Variants in ALK observed in about 807,000 individuals in gnomAD.
ALK encodes ALK receptor tyrosine kinase.
In ALK, 74 loss-of-function variants were observed where a neutral mutation model predicts 163.1. The observed-to-expected ratio is 0.45, with a 90% CI of 0.38 to 0.55. The LOEUF is 0.55. ALK is among the 20% of genes least tolerant of loss of function. The probability of loss-of-function intolerance (pLI) is 0.00; values close to 1 mark genes in which losing one functional copy is unlikely to be tolerated. For synonymous variants in ALK, 960 were observed against 843.2 expected (o/e 1.14, Z -2.40); for missense variants, 2,063 against 2,105.3 (o/e 0.98, Z 0.39).
intron 3 of ALK, among the ~76,000 whole-genome samples, chr2:29,604,316 T>A (rs554515539): frequency 4.6e-5 from 7 of 152,338 alleles, no homozygotes; most frequent in African/African-American, 1.7e-4. Context: ...ACGTATGGTC[T>A]ATGGCCCTTT....
chr2:29,837,264 C>T (rs1665586932), intron 1 of ALK, among the ~76,000 whole-genome samples: 1 of 152,062 alleles, frequency 6.6e-6, no homozygotes, highest in Non-Finnish European at 1.5e-5. Flanking sequence ...CAAAAGAAGG[C>T]CAAAACATGG....
chr2:29,686,515 T>G (rs1210851455), intron 3 of ALK, among the ~76,000 whole-genome samples: 9 of 152,206 alleles, frequency 5.9e-5, no homozygotes, highest in African/African-American at 2.2e-4. Flanking sequence ...GGAAATGGCC[T>G]TATTGACCAT....
chr2:29,835,312 G>A (rs1193032388), intron 1 of ALK, among the ~76,000 whole-genome samples: 1 of 152,154 alleles, frequency 6.6e-6, no homozygotes, highest in Non-Finnish European at 1.5e-5. Flanking sequence ...TAACATAAGG[G>A]GGGAAAGGTA....
At chr2:29,848,717 G>C (rs1420689478) in intron 1 of ALK, among the ~76,000 whole-genome samples, 1 of 152,152 alleles carries the variant, frequency 6.6e-6, no homozygotes, top group Non-Finnish European at 1.5e-5. Context: ...GGGTGAGGTG[G>C]GGGCTATGTC....
At chr2:29,762,982 GA>G in intron 1 of ALK, among the ~76,000 whole-genome samples, 1 of 151,810 alleles carries the variant, frequency 6.6e-6, no homozygotes, top group East Asian at 1.9e-4. Context: ...ATCTACTCAG[GA>G]GGCTGAGGCA....
chr2:29,717,089 G>T (rs570665670), intron 2 of ALK, among the ~76,000 whole-genome samples: 31 of 146,280 alleles, frequency 2.1e-4, no homozygotes, highest in African/African-American at 7.7e-4. Flanking sequence ...GGAGAATGGT[G>T]TGAACCCAGG....
intron 1 of ALK, among the ~76,000 whole-genome samples, chr2:29,756,704 T>C (rs752063950): frequency 2.9e-4 from 44 of 152,096 alleles, no homozygotes; most frequent in Non-Finnish European, 6.0e-4. Flanking sequence ...TTATTGTATT[T>C]TTAGTAGAGA....
At chr2:29,416,136 A>G (rs745712298) in intron 4 of ALK, among the ~76,000 whole-genome samples, 2 of 152,210 alleles carry the variant, frequency 1.3e-5, no homozygotes, top group Admixed American at 6.5e-5. Flanking sequence ...TCATATGTCT[A>G]TATATACCCT....
At chr2:29,425,146 C>T (rs1670103142) in intron 4 of ALK, among the ~76,000 whole-genome samples, 1 of 151,952 alleles carries the variant, frequency 6.6e-6, no homozygotes, top group South Asian at 2.1e-4. Flanking sequence ...GAAATTGTCC[C>T]AAGGGAATAT....
In ALK at chr2:29,798,264, T is replaced by C. The variant is rs182624884; in HGVS notation, c.668-80567A>G. 6.9e-3 allele frequency among the ~76,000 whole-genome samples: 1,055 copies of C among 152,340 alleles called. 11 individuals are homozygous for C. Among genetic ancestry groups the C allele is most frequent in the South Asian group, 0.046 (224 of 4,830 alleles). On this transcript the variant is annotated intron_variant, in intron 1 of 28. Transcript: ENST00000389048. ...AGGGAGTCTTTTGGATGCTTTATTA[T>C]TAAATTGGTATCATCACCAGCTCCT...
chr2:29,717,275 C>G (rs554577279), intron 2 of ALK, among the ~76,000 whole-genome samples: 1 of 151,912 alleles, frequency 6.6e-6, no homozygotes, highest in East Asian at 1.9e-4. Context: ...ATAAGCATCT[C>G]CTCTAATGAT....
chr2:29,585,403 C>A, intron 3 of ALK, among the ~76,000 whole-genome samples: 1 of 152,092 alleles, frequency 6.6e-6, no homozygotes, highest in East Asian at 1.9e-4. Context: ...TTCGGCTCAC[C>A]ACAACCTCCA....
At chr2:29,863,779 T>G (rs930556061) in intron 1 of ALK, among the ~76,000 whole-genome samples, 1 of 152,180 alleles carries the variant, frequency 6.6e-6, no homozygotes, top group South Asian at 2.1e-4. Context: ...TACTGGGCAT[T>G]TACTCAAGGG....
intron 3 of ALK, among the ~76,000 whole-genome samples, chr2:29,676,150 G>C: frequency 6.6e-6 from 1 of 152,066 alleles, no homozygotes; most frequent in South Asian, 2.1e-4. Context: ...CTTGTGGCTT[G>C]ATTTTTCATT....
In ALK at chr2:29,209,538, G is replaced by A. The variant is rs113989944; in HGVS notation, c.3836+248C>T. 0.026 allele frequency among the ~76,000 whole-genome samples: 2,978 copies of A among 113,884 alleles called. 116 individuals are homozygous for A. Among genetic ancestry groups the A allele is most frequent in the African/African-American group, 0.097 (2,823 of 29,200 alleles). The allele number at this position is 113,884 out of a possible 152,430, so 74.7% of individuals were successfully genotyped here. ...GCCTGGGCAACAAGAGCGAAACTCC[G>A]TCTCAAAAAAAAAAAAAAAAAAAAA... On this transcript the variant is annotated intron_variant, in intron 25 of 28. Coordinates refer to ENST00000389048, the MANE Select transcript of ALK (RefSeq NM_004304.5).
intron 1 of ALK, among the ~76,000 whole-genome samples, chr2:29,911,529 T>A (rs1019196252): frequency 6.6e-6 from 1 of 152,120 alleles, no homozygotes; most frequent in Non-Finnish European, 1.5e-5. Flanking sequence ...ATAATACAGG[T>A]AGGTAAAACT....
rs1050207892 is a variant in ALK at position 29,591,409 on chromosome 2, G to A, written c.953-59293C>T. 2.0e-5 allele frequency among the ~76,000 whole-genome samples: 3 copies of A among 152,140 alleles called. No individual in the cohort carries two copies. The East Asian group carries it at 5.8e-4, about 29-fold the overall frequency. ...CATCCGGGCAGCCACAGCCAGGATG[G>A]TAAACAAGGGAAGCACCGAAAGCAA... On this transcript the variant is annotated intron_variant, in intron 3 of 28. Coordinates refer to ENST00000389048, the MANE Select transcript of ALK (RefSeq NM_004304.5).
At chr2:29,711,744 G>A (rs1679108239) in intron 2 of ALK, among the ~76,000 whole-genome samples, 1 of 152,084 alleles carries the variant, frequency 6.6e-6, no homozygotes, top group Non-Finnish European at 1.5e-5. Flanking sequence ...AAATGAAAAG[G>A]CAGTCAGAGA....
intron 14 of ALK, 107 bp from the exon 15 acceptor site, chr2:29,232,555 G>A: frequency 1.4e-6 from 2 of 1,450,590 alleles, no homozygotes; most frequent in Non-Finnish European, 1.9e-6. Context: ...GTTTTGGGGT[G>A]ACCTGGTGAC....
Sources: allele counts gnomAD v4.1 joint callset (sites outside exome capture counted in the v4.1 genomes callset), GRCh38; gene constraint gnomAD v4.1.1; transcripts MANE v1.5; gene names NCBI Gene and HGNC (gene_info 2026-07-23, HGNC 2026-07-21).